TOM1L2: variants seen among roughly 807,000 people sequenced by gnomAD.
TOM1L2 encodes the protein target of myb1 like 2 membrane trafficking protein, also known as TOM1-like protein 2.
A neutral mutation model predicts 67.9 loss-of-function variants in TOM1L2; 31 were observed. The ratio of observed to expected loss-of-function variants is 0.46; its 90% CI spans 0.34 to 0.62. The LOEUF (loss-of-function observed/expected upper bound fraction) is 0.62, where lower values mean the gene tolerates loss of function less well. Ranked by LOEUF, TOM1L2 falls within the 20% of genes least tolerant of loss-of-function variation. The probability of loss-of-function intolerance (pLI) is 0.01; values close to 1 mark genes in which losing one functional copy is unlikely to be tolerated. For missense variants in TOM1L2, 606 were observed against 663.5 expected (o/e 0.91, Z 0.95); for synonymous variants, 256 against 254.0 (o/e 1.01, Z -0.07).
chr17:17,857,800 G>C (rs2036326177), intron 12 of TOM1L2: 3 of 1,535,642 alleles, frequency 2.0e-6, no homozygotes, highest in Middle Eastern at 1.7e-4. Flanking sequence ...GCTGTCTATG[G>C]GCTCCAGGTC....
chr17:17,869,610 G>T, intron 7 of TOM1L2, 137 bp from the exon 8 acceptor site: 1 of 1,408,646 alleles, frequency 7.1e-7, no homozygotes, highest in Non-Finnish European at 9.2e-7. Flanking sequence ...GACATGTGCC[G>T]AATTCAAAGT....
chr17:17,889,426 C>A (rs2038161206), intron 4 of TOM1L2, among the ~76,000 whole-genome samples: 1 of 152,164 alleles, frequency 6.6e-6, no homozygotes, highest in African/African-American at 2.4e-5. Context: ...TCCCTATAGG[C>A]ACAGGGGGAC....
rs1274839209 is a variant in TOM1L2 at position 17,869,588 on chromosome 17, T to C, written c.778-115A>G. On this transcript the variant is annotated intron_variant, in intron 7 of 14. Transcript: ENST00000379504. ...AAGTCACAAAAGGAGTACATGCTTG[T>C]TCATAAAACCAGACATGTGCCGAAT... The C allele has an allele frequency of 7.0e-6, 10 of 1,428,014 alleles. No individual in the cohort carries two copies. The Admixed American group carries it at 2.6e-4, about 37-fold the overall frequency. 88.5% of individuals were successfully genotyped at this position (1,428,014 alleles called of 1,614,324 possible).
At chr17:17,959,281 C>G (rs1051788177) in intron 1 of TOM1L2, among the ~76,000 whole-genome samples, 2 of 152,082 alleles carry the variant, frequency 1.3e-5, no homozygotes, top group African/African-American at 4.8e-5. Context: ...CTCTGGGGTC[C>G]GCACCAGCTC....
At chr17:17,849,255 G>C (rs2035825509) in intron 13 of TOM1L2, among the ~76,000 whole-genome samples, 1 of 152,204 alleles carries the variant, frequency 6.6e-6, no homozygotes, top group African/African-American at 2.4e-5. Context: ...AGCACACACA[G>C]GGTCACGTGT....
chr17:17,970,147 C>T (rs1020030580), intron 1 of TOM1L2, among the ~76,000 whole-genome samples: 2 of 152,050 alleles, frequency 1.3e-5, no homozygotes, highest in Admixed American at 6.5e-5. Context: ...CTCCGCCTCC[C>T]GGGTTCAAGC....
chr17:17,903,257 CATTT>C (rs1258758717), intron 2 of TOM1L2, among the ~76,000 whole-genome samples: 2 of 152,166 alleles, frequency 1.3e-5, no homozygotes, highest in Non-Finnish European at 1.5e-5. Context: ...AGACTTCATT[CATTT>C]ATTCACTTAT....
intron 1 of TOM1L2, among the ~76,000 whole-genome samples, chr17:17,967,399 G>A (rs113148998): frequency 2.6e-4 from 39 of 152,344 alleles, no homozygotes; most frequent in African/African-American, 9.1e-4. Context: ...CCAACACAAG[G>A]AAAACTGCAA....
intron 1 of TOM1L2, among the ~76,000 whole-genome samples, chr17:17,946,736 T>G (rs2040968072): frequency 6.6e-6 from 1 of 152,160 alleles, no homozygotes; most frequent in Admixed American, 6.5e-5. Context: ...ATCTAATTTT[T>G]TTTTTTAAGA....
intron 1 of TOM1L2, among the ~76,000 whole-genome samples, chr17:17,948,746 T>G (rs1184340537): frequency 6.6e-6 from 1 of 151,932 alleles, no homozygotes; most frequent in East Asian, 1.9e-4. Context: ...TCACACCCCC[T>G]CTTGCTAAGA....
chr17:17,927,199 C>A (rs948672244), intron 1 of TOM1L2, among the ~76,000 whole-genome samples: 1 of 152,194 alleles, frequency 6.6e-6, no homozygotes, highest in African/African-American at 2.4e-5. Context: ...CAGCATGAAA[C>A]TGCATTCTTC....
chr17:17,928,266 T>C (rs550399526), intron 1 of TOM1L2, among the ~76,000 whole-genome samples: 4 of 152,148 alleles, frequency 2.6e-5, no homozygotes, highest in Non-Finnish European at 5.9e-5. Flanking sequence ...TCTGCAAAGA[T>C]GCATAATTGA....
At chr17:17,961,226 G>C (rs1026700139) in intron 1 of TOM1L2, among the ~76,000 whole-genome samples, 2 of 151,788 alleles carry the variant, frequency 1.3e-5, no homozygotes, top group African/African-American at 4.8e-5. Context: ...ACCACAATGA[G>C]ACACCAATTC....
rs764180348 is a variant in TOM1L2, at chr17:17,893,701, G to T, written c.326C>A (p.Pro109His). The change falls in exon 4 of 15, where the codon CCT (proline) becomes CAT (histidine). Residue 109 changes from proline (P) to histidine (H), a missense_variant. Transcript: ENST00000379504. ...LVKIISPKNN[P>H]PTIVQDKVLA... ...CACTTTGTCCTGTACAATGGTGGGAGGGTTGTTCTTGGGAGATATAATTTT... is the reference window on the plus strand; with the variant it reads ...CACTTTGTCCTGTACAATGGTGGGATGGTTGTTCTTGGGAGATATAATTTT... The T allele has an allele frequency of 5.0e-6, 8 of 1,614,132 alleles. No individual in the cohort carries two copies. The highest frequency in any genetic ancestry group is 6.8e-6 in the Non-Finnish European group (8 of 1,180,028).
chr17:17,952,479 C>T (rs973170517), intron 1 of TOM1L2, among the ~76,000 whole-genome samples: 2 of 142,728 alleles, frequency 1.4e-5, no homozygotes, highest in African/African-American at 5.1e-5. Context: ...CAGCCTCGAC[C>T]TTCCCAGGCT....
intron 2 of TOM1L2, among the ~76,000 whole-genome samples, chr17:17,899,933 G>A (rs543798300): frequency 1.3e-4 from 16 of 118,622 alleles, no homozygotes; most frequent in South Asian, 4.4e-4. Context: ...AAACTGGGCC[G>A]GGCATGGTGG....
At chr17:17,857,791 C>A (rs1179052218) in intron 12 of TOM1L2, 1 of 1,535,546 alleles carries the variant, frequency 6.5e-7, no homozygotes, top group African/African-American at 1.4e-5. Context: ...TATAAGCCAG[C>A]TGTCTATGGG....
intron 1 of TOM1L2, among the ~76,000 whole-genome samples, chr17:17,911,818 TGTCCCTGGGTACTTGA>T (rs2039365102): frequency 6.8e-6 from 1 of 147,544 alleles, no homozygotes; most frequent in Non-Finnish European, 1.5e-5. Context: ...GCAGTGTTTG[TGTCCCTGGGTACTTGA>T]GATTAGGGAG....
chr17:17,945,284 ACACACACTCTCT>A (rs1568347468), intron 1 of TOM1L2, among the ~76,000 whole-genome samples: 1 of 151,232 alleles, frequency 6.6e-6, no homozygotes, highest in African/African-American at 2.5e-5. Context: ...ACACACACAC[ACACACACTCTCT>A]CTCTCTCTCT....
Sources: gnomAD v4.1 joint callset for allele counts (sites outside exome capture counted in the v4.1 genomes callset) on GRCh38, gnomAD v4.1.1 for gene constraint, MANE v1.5 for transcripts, NCBI Gene and HGNC (gene_info 2026-07-23, HGNC 2026-07-21) for gene names.